Variants in PDE6A observed in about 807,000 individuals in gnomAD.
PDE6A encodes rod cGMP-specific 3',5'-cyclic phosphodiesterase subunit alpha.
PDE6A carries 84 observed loss-of-function variants against 106.3 expected under a neutral mutation model. That is an observed-to-expected ratio of 0.79 (90% CI 0.66 to 0.95). The LOEUF is 0.95. Ranked by LOEUF, PDE6A falls within the 40% of genes least tolerant of loss-of-function variation. PDE6A has a pLI of 0.00. For missense variants in PDE6A, 1,052 were observed against 1,084.9 expected (o/e 0.97, Z 0.43); for synonymous variants, 394 against 386.6 (o/e 1.02, Z -0.23).
At chr5:149,935,543 A>G (rs1009225117) in intron 1 of PDE6A, among the ~76,000 whole-genome samples, 13 of 152,182 alleles carry the variant, frequency 8.5e-5, no homozygotes, top group African/African-American at 2.2e-4. Context: ...AGAAAAATCA[A>G]TAATAGTAAT....
chr5:149,905,192 A>G (rs1264552222), intron 7 of PDE6A, among the ~76,000 whole-genome samples: 1 of 151,798 alleles, frequency 6.6e-6, no homozygotes, highest in African/African-American at 2.4e-5. Context: ...ACACCTCTGA[A>G]CCTTCCTTCT....
At chr5:149,931,870 T>G in intron 3 of PDE6A, 1 of 613,144 alleles carries the variant, frequency 1.6e-6, no homozygotes, top group East Asian at 2.8e-5. Context: ...AGGTGTTACC[T>G]CCAGAGTTTC....
At chr5:149,928,231 A>ATATATATATATATATATATATTTTTTT in intron 4 of PDE6A, among the ~76,000 whole-genome samples, 1 of 19,754 alleles carries the variant, frequency 5.1e-5, no homozygotes, top group African/African-American at 4.8e-4. Flanking sequence ...ATATATATAT[A>ATATATATATATATATATATATTTTTTT]TTTTTTTTTT....
intron 7 of PDE6A, among the ~76,000 whole-genome samples, chr5:149,905,720 G>A (rs922655288): frequency 7.9e-5 from 12 of 152,312 alleles, no homozygotes; most frequent in Admixed American, 6.5e-4. Context: ...TAGCAAGAAT[G>A]ATAGTATTCT....
intron 19 of PDE6A, 192 bp downstream of exon 19, chr5:149,867,533 A>G: frequency 1.5e-6 from 1 of 660,716 alleles, no homozygotes; most frequent in Middle Eastern, 2.6e-4. Flanking sequence ...AGGCTTGTGA[A>G]TATACATACC....
At chr5:149,934,517 T>C (rs60214615) in intron 2 of PDE6A, 49 bp downstream of exon 2, 1 of 1,598,632 alleles carries the variant, frequency 6.3e-7, no homozygotes, top group South Asian at 1.1e-5. Context: ...CTTCATAGGC[T>C]GGGAGAATGT....
At chr5:149,937,433 A>G (rs1157196279) in intron 1 of PDE6A, among the ~76,000 whole-genome samples, 1 of 152,184 alleles carries the variant, frequency 6.6e-6, no homozygotes, top group African/African-American at 2.4e-5. Flanking sequence ...GCTGGAGTGC[A>G]GTGTAGCCAT....
At chr5:149,862,383 T>A (rs995256619) in intron 21 of PDE6A, among the ~76,000 whole-genome samples, 25 of 152,336 alleles carry the variant, frequency 1.6e-4, no homozygotes, top group African/African-American at 5.5e-4. Flanking sequence ...GAGACCTCTG[T>A]CACTGGTGGT....
intron 5 of PDE6A, among the ~76,000 whole-genome samples, chr5:149,917,459 G>C (rs1451105071): frequency 5.9e-5 from 9 of 152,146 alleles, no homozygotes; most frequent in Non-Finnish European, 1.3e-4. Flanking sequence ...GGTCTGTTTG[G>C]TTGACGGGCA....
At chr5:149,870,129 A>G (rs903838437) in intron 17 of PDE6A, among the ~76,000 whole-genome samples, 41 of 152,258 alleles carry the variant, frequency 2.7e-4, no homozygotes, top group African/African-American at 9.9e-4. Flanking sequence ...TCCCTATGAA[A>G]AATACACAGA....
In PDE6A at chr5:149,886,358, C is replaced by G; in HGVS notation, c.1745G>C (p.Arg582Pro). Residue 582 changes from arginine to proline, a missense_variant, in exon 14 of 22, where the codon CGC (arginine) becomes CCC (proline). Arg to Pro is a moderately radical substitution (Grantham distance 103). Coordinates refer to ENST00000255266, the MANE Select transcript of PDE6A (RefSeq NM_000440.3). ...CAAGGCCTCTAGGTCCGTGAAGTAG[C>G]GCTTCAGCTTTCCCGTCTGGAAGGG... is the stretch of plus-strand genomic sequence containing the variant. ...FSLLVTGKLK[R>P]YFTDLEALAM... 6.2e-7 allele frequency: 1 copy of G among 1,613,854 alleles called. No individual in the cohort carries two copies. Among genetic ancestry groups the G allele is most frequent in the Non-Finnish European group, 8.5e-7 (1 of 1,179,744 alleles).
chr5:149,910,085 T>C (rs1263655009), intron 6 of PDE6A, among the ~76,000 whole-genome samples: 4 of 152,192 alleles, frequency 2.6e-5, no homozygotes, highest in East Asian at 3.8e-4. Context: ...GGTCATGTTA[T>C]GAGGTGCTTG....
intron 4 of PDE6A, among the ~76,000 whole-genome samples, chr5:149,924,334 T>C (rs1753814596): frequency 6.6e-6 from 1 of 151,932 alleles, no homozygotes; most frequent in Non-Finnish European, 1.5e-5. Flanking sequence ...CCAAAGATTG[T>C]CCCAAGGAGA....
intron 5 of PDE6A, among the ~76,000 whole-genome samples, chr5:149,920,942 A>AAAAGAAGAAAGAAAGAAAGAAAG (rs1554091211): frequency 2.2e-4 from 24 of 108,350 alleles, no homozygotes; most frequent in Non-Finnish European, 3.5e-4. Flanking sequence ...GAAAGAGAGA[A>AAAAGAAGAAAGAAAGAAAGAAAG]AAAGAAAGAA....
At chr5:149,924,793 T>A (rs1248706700) in intron 4 of PDE6A, among the ~76,000 whole-genome samples, 1 of 152,234 alleles carries the variant, frequency 6.6e-6, no homozygotes, top group East Asian at 1.9e-4. Flanking sequence ...TGACCCTTGA[T>A]TCGACCTTTC....
At chr5:149,869,008 AC>A (rs1760437236) in intron 17 of PDE6A, among the ~76,000 whole-genome samples, 1 of 152,252 alleles carries the variant, frequency 6.6e-6, no homozygotes, top group South Asian at 2.1e-4. Context: ...AGAACTGTGA[AC>A]AGCTGTAGCA....
chr5:149,898,333 G>C (rs746601767), intron 10 of PDE6A, 30 bp downstream of exon 10: 2 of 1,607,112 alleles, frequency 1.2e-6, no homozygotes, highest in Non-Finnish European at 8.5e-7. Flanking sequence ...GTCTGTATTA[G>C]AGTAGAAACA....
intron 10 of PDE6A, 77 bp from the exon 11 acceptor site, chr5:149,896,853 T>A (rs780821276): frequency 2.6e-4 from 388 of 1,501,108 alleles, no homozygotes; most frequent in Non-Finnish European, 3.4e-4. Flanking sequence ...ATTTATCTCC[T>A]TCCTCCAAAG....
chr5:149,869,074 A>G (rs1401284961), intron 17 of PDE6A, among the ~76,000 whole-genome samples: 1 of 152,256 alleles, frequency 6.6e-6, no homozygotes, highest in Non-Finnish European at 1.5e-5. Context: ...TCACGCCAGT[A>G]ATCCCAGCCC....
Sources: allele counts gnomAD v4.1 joint callset (sites outside exome capture counted in the v4.1 genomes callset), GRCh38; gene constraint gnomAD v4.1.1; transcripts MANE v1.5; gene names NCBI Gene and HGNC (gene_info 2026-07-23, HGNC 2026-07-21).